PPARGC1A: variants seen among roughly 807,000 people sequenced by gnomAD.
PPARGC1A encodes the protein PPARG coactivator 1 alpha.
Under a neutral mutation model 88.7 loss-of-function variants are expected in PPARGC1A, and 25 were observed. That is an observed-to-expected ratio of 0.28 (90% CI 0.21 to 0.39). PPARGC1A has a LOEUF of 0.39. Ranked by LOEUF, PPARGC1A falls within the 10% of genes least tolerant of loss-of-function variation. The pLI, the probability that PPARGC1A is intolerant of heterozygous loss-of-function variation, is 1.00. For synonymous variants in PPARGC1A, 363 were observed against 355.6 expected (o/e 1.02, Z -0.24); for missense variants, 880 against 968.7 (o/e 0.91, Z 1.22).
chr4:24,432,902 C>T, the PPARGC1A span, among the ~76,000 whole-genome samples: 1 of 152,200 alleles, frequency 6.6e-6, no homozygotes, highest in African/African-American at 2.4e-5. Flanking sequence ...GAAGACACAC[C>T]AGCCTCTACC....
the PPARGC1A span, among the ~76,000 whole-genome samples, chr4:23,994,716 A>G: frequency 1.3e-5 from 2 of 152,262 alleles, no homozygotes; most frequent in African/African-American, 2.4e-5. Flanking sequence ...TGCATAAAAC[A>G]TCATAAGAAA....
At chr4:24,011,785 T>G in the PPARGC1A span, among the ~76,000 whole-genome samples, 1 of 152,188 alleles carries the variant, frequency 6.6e-6, no homozygotes, top group Non-Finnish European at 1.5e-5. Context: ...ATACCTTTTT[T>G]GAATAAGCAT....
the PPARGC1A span, among the ~76,000 whole-genome samples, chr4:24,418,724 T>C: frequency 1.3e-5 from 2 of 152,246 alleles, no homozygotes; most frequent in Admixed American, 1.3e-4. Flanking sequence ...AGGACCTCTA[T>C]AAACATAGCT....
At chr4:24,364,533 T>TC in the PPARGC1A span, among the ~76,000 whole-genome samples, 1 of 152,166 alleles carries the variant, frequency 6.6e-6, no homozygotes, top group African/African-American at 2.4e-5. Context: ...ACGCAGTTTT[T>TC]CTCTAGTTCC....
At chr4:24,219,485 C>T in the PPARGC1A span, among the ~76,000 whole-genome samples, 24 of 152,324 alleles carry the variant, frequency 1.6e-4, no homozygotes, top group South Asian at 3.5e-3. Context: ...TCACTGCCTG[C>T]GTCACTGCCT....
At chr4:24,142,655 C>CAT in the PPARGC1A span, among the ~76,000 whole-genome samples, 3 of 150,908 alleles carry the variant, frequency 2.0e-5, no homozygotes, top group Admixed American at 1.3e-4. Flanking sequence ...GCCTGGGTGA[C>CAT]AGAGTGAGGC....
the PPARGC1A span, among the ~76,000 whole-genome samples, chr4:23,997,683 G>T: frequency 2.6e-5 from 4 of 151,770 alleles, no homozygotes; most frequent in African/African-American, 9.7e-5. Flanking sequence ...TCGTATTTTA[G>T]TAGAGACAGG....
chr4:24,076,252 G>A, the PPARGC1A span, among the ~76,000 whole-genome samples: 1 of 152,172 alleles, frequency 6.6e-6, no homozygotes, highest in South Asian at 2.1e-4. Flanking sequence ...TTTTACAGAT[G>A]AGAAAACCAA....
the PPARGC1A span, among the ~76,000 whole-genome samples, chr4:24,084,095 C>T: frequency 2.0e-5 from 3 of 152,308 alleles, no homozygotes; most frequent in East Asian, 5.8e-4. Context: ...TAACCACGCT[C>T]TTATCTGTTC....
the PPARGC1A span, among the ~76,000 whole-genome samples, chr4:24,054,592 T>C: frequency 2.0e-5 from 3 of 152,238 alleles, no homozygotes; most frequent in African/African-American, 7.2e-5. Context: ...GTAAAAATTT[T>C]ACATAATTTT....
the PPARGC1A span, among the ~76,000 whole-genome samples, chr4:24,262,372 G>A: frequency 1.3e-5 from 2 of 152,204 alleles, no homozygotes; most frequent in African/African-American, 4.8e-5. Flanking sequence ...CCAAACTGCA[G>A]AATATCAGAA....
chr4:24,347,659 G>A, the PPARGC1A span, among the ~76,000 whole-genome samples: 92 of 152,144 alleles, frequency 6.0e-4, no homozygotes, highest in African/African-American at 2.0e-3. Flanking sequence ...TATGTGTTAG[G>A]TGATTCTCCT....
chr4:24,179,093 G>A, the PPARGC1A span, among the ~76,000 whole-genome samples: 1 of 152,080 alleles, frequency 6.6e-6, no homozygotes, highest in South Asian at 2.1e-4. Context: ...CTCTTTATGA[G>A]TTAAGTTCTG....
the PPARGC1A span, among the ~76,000 whole-genome samples, chr4:23,910,096 C>T: frequency 7.4e-6 from 1 of 134,316 alleles, no homozygotes; most frequent in Non-Finnish European, 1.5e-5. Flanking sequence ...GTATATTTTA[C>T]ACATATATAT....
the PPARGC1A span, among the ~76,000 whole-genome samples, chr4:23,990,964 C>T: frequency 1.3e-5 from 2 of 152,032 alleles, no homozygotes; most frequent in Non-Finnish European, 2.9e-5. Flanking sequence ...AACAGCTCAC[C>T]CTACAAGAGT....
the PPARGC1A span, among the ~76,000 whole-genome samples, chr4:24,385,690 A>G: frequency 6.6e-6 from 1 of 152,232 alleles, no homozygotes; most frequent in Non-Finnish European, 1.5e-5. Flanking sequence ...AGACTAAACC[A>G]GGAAGAAGCC....
chr4:24,014,678 G>A, the PPARGC1A span, among the ~76,000 whole-genome samples: 1 of 152,074 alleles, frequency 6.6e-6, no homozygotes, highest in Non-Finnish European at 1.5e-5. Context: ...TTCATAGGCA[G>A]CTCACAATAT....
At chr4:24,265,296 TCTC>T in the PPARGC1A span, among the ~76,000 whole-genome samples, 2 of 152,132 alleles carry the variant, frequency 1.3e-5, no homozygotes, top group Non-Finnish European at 2.9e-5. Flanking sequence ...CAAGGCAACT[TCTC>T]CTTCTTTTCC....
the PPARGC1A span, among the ~76,000 whole-genome samples, chr4:24,339,233 TATATACAC>T: frequency 2.9e-4 from 34 of 119,288 alleles, no homozygotes; most frequent in South Asian, 9.8e-4. Context: ...TATATATATA[TATATACAC>T]ACACACACAC....
Sources: allele counts gnomAD v4.1 joint callset (sites outside exome capture counted in the v4.1 genomes callset), GRCh38; gene constraint gnomAD v4.1.1; transcripts MANE v1.5; gene names NCBI Gene and HGNC (gene_info 2026-07-23, HGNC 2026-07-21).